RSF1: variants seen among roughly 807,000 people sequenced by gnomAD.
The protein encoded by RSF1 is HBV pX-associated protein 8.
Under a neutral mutation model 145.2 loss-of-function variants are expected in RSF1, and 13 were observed. The observed-to-expected ratio is 0.09, with a 90% confidence interval of 0.06 to 0.14. The LOEUF (loss-of-function observed/expected upper bound fraction) is 0.14. Ranked by LOEUF, RSF1 falls within the 10% of genes least tolerant of loss-of-function variation. The pLI is 1.00. For synonymous variants in RSF1, 577 were observed against 592.6 expected (o/e 0.97, Z 0.38); for missense variants, 1,517 against 1,718.2 (o/e 0.88, Z 2.07).
chr11:77,788,142 C>CA (rs66595170), intron 1 of RSF1, among the ~76,000 whole-genome samples: 87 of 3,430 alleles, frequency 0.025, 13 homozygotes, highest in Admixed American at 0.053. Flanking sequence ...GACACTATCT[C>CA]AAAAAAAAAA....
chr11:77,775,395 A>G (rs952367798), intron 1 of RSF1, among the ~76,000 whole-genome samples: 2 of 152,220 alleles, frequency 1.3e-5, no homozygotes, highest in Non-Finnish European at 2.9e-5. Flanking sequence ...TGTTCAGAGC[A>G]CTGTGGGAGC....
At chr11:77,816,996 ATCTC>A (rs1448944385) in intron 1 of RSF1, among the ~76,000 whole-genome samples, 1 of 152,172 alleles carries the variant, frequency 6.6e-6, no homozygotes, top group Non-Finnish European at 1.5e-5. Context: ...TACACTTGAA[ATCTC>A]TCTCTGTAGC....
At chr11:77,755,952 T>G (rs1054592527) in intron 2 of RSF1, among the ~76,000 whole-genome samples, 1 of 152,164 alleles carries the variant, frequency 6.6e-6, no homozygotes, top group African/African-American at 2.4e-5. Context: ...AAAGAGCAAG[T>G]ACAAAACAAA....
intron 1 of RSF1, among the ~76,000 whole-genome samples, chr11:77,786,931 C>T (rs1014041216): frequency 6.6e-6 from 1 of 152,138 alleles, no homozygotes; most frequent in Non-Finnish European, 1.5e-5. Context: ...CCCCAATTTA[C>T]AAACTGGGTA....
At chr11:77,803,493 T>G (rs1212951679) in intron 1 of RSF1, among the ~76,000 whole-genome samples, 1 of 149,478 alleles carries the variant, frequency 6.7e-6, no homozygotes, top group African/African-American at 2.4e-5. Context: ...AAAACTGTTA[T>G]GTTGGCTGGG....
chr11:77,813,097 A>G (rs1309524870), intron 1 of RSF1, among the ~76,000 whole-genome samples: 1 of 152,138 alleles, frequency 6.6e-6, no homozygotes, highest in Non-Finnish European at 1.5e-5. Context: ...TCTGTTTATT[A>G]ACAGAAAGGC....
chr11:77,674,710 T>G (rs1036030026), intron 14 of RSF1, among the ~76,000 whole-genome samples: 2 of 152,188 alleles, frequency 1.3e-5, no homozygotes, highest in Non-Finnish European at 2.9e-5. Context: ...CATAAGAATT[T>G]GTTGAGCTGG....
intron 5 of RSF1, 162 bp from the exon 6 acceptor site, chr11:77,702,657 A>C (rs1565154016): frequency 2.3e-6 from 1 of 439,534 alleles, no homozygotes; most frequent in Non-Finnish European, 3.8e-6. Flanking sequence ...ACAATGAAGA[A>C]AATTACAAAA....
intron 1 of RSF1, among the ~76,000 whole-genome samples, chr11:77,806,047 A>G (rs1249304297): frequency 1.3e-5 from 2 of 152,108 alleles, no homozygotes; most frequent in Non-Finnish European, 2.9e-5. Flanking sequence ...CACTTCCCCA[A>G]CTTTCTCACA....
At position 77,701,911 on chromosome 11, in the gene RSF1, G is replaced by C; in HGVS notation, c.1318C>G (p.Gln440Glu). 6.2e-7 allele frequency: 1 copy of C among 1,613,750 alleles called. No individual in the cohort carries two copies. ...TCACTAACTTCTCCATTTACCAGCT[G>C]TTTCCCTTCATGACCCAAAGCAGTG... ...TITALGHEGK[Q>E]LVNGEVSDER... Residue 440 changes from glutamine (Q) to glutamate (E), a missense_variant, in exon 6 of 16, where the codon CAG (glutamine) becomes GAG (glutamate). By Grantham distance (29) the Gln-to-Glu change is conservative. Coordinates refer to ENST00000308488, the MANE Select transcript of RSF1 (RefSeq NM_016578.4).
intron 2 of RSF1, among the ~76,000 whole-genome samples, chr11:77,758,140 G>GAA (rs59962849): frequency 9.6e-6 from 1 of 104,700 alleles, no homozygotes. Flanking sequence ...AGTCTCAGAA[G>GAA]AAAAAAAAAA....
chr11:77,672,905 A>G (rs981282757), intron 14 of RSF1, among the ~76,000 whole-genome samples: 1 of 152,146 alleles, frequency 6.6e-6, no homozygotes, highest in African/African-American at 2.4e-5. Context: ...CTGGTCTTGA[A>G]TTCCTGGCCT....
the RSF1 span, among the ~76,000 whole-genome samples, chr11:77,854,115 T>C: frequency 2.0e-4 from 30 of 151,162 alleles, no homozygotes; most frequent in East Asian, 4.0e-4. Flanking sequence ...CTCAGCCTCC[T>C]GAGTAGCTGG....
upstream of RSF1, among the ~76,000 whole-genome samples, chr11:77,823,230 A>AG (rs1454498572): frequency 1.3e-4 from 19 of 151,454 alleles, no homozygotes; most frequent in East Asian, 2.9e-3. Flanking sequence ...AAAAAAAAAA[A>AG]AAAAGAAATT....
At chr11:77,672,408 G>A (rs1959578793) in intron 14 of RSF1, among the ~76,000 whole-genome samples, 178 bp from the exon 15 acceptor site, 2 of 152,122 alleles carry the variant, frequency 1.3e-5, no homozygotes, top group Admixed American at 1.3e-4. Flanking sequence ...ACAGGCTGGA[G>A]TGCAGTGGCA....
At chr11:77,775,040 C>T (rs1948327958) in intron 1 of RSF1, among the ~76,000 whole-genome samples, 1 of 151,768 alleles carries the variant, frequency 6.6e-6, no homozygotes, top group South Asian at 2.1e-4. Flanking sequence ...GCTGGGATTA[C>T]AGGCGTGAGC....
At chr11:77,835,088 T>C in the RSF1 span, among the ~76,000 whole-genome samples, 1 of 152,250 alleles carries the variant, frequency 6.6e-6, no homozygotes, top group East Asian at 1.9e-4. Context: ...ACTTTTAAGC[T>C]GGGCACATTG....
the RSF1 span, among the ~76,000 whole-genome samples, chr11:77,836,418 T>C: frequency 2.0e-5 from 3 of 152,078 alleles, no homozygotes; most frequent in Non-Finnish European, 2.9e-5. Flanking sequence ...GAAAAAGCCA[T>C]GTGAGAAAAC....
At chr11:77,808,793 A>G (rs1446378980) in intron 1 of RSF1, among the ~76,000 whole-genome samples, 1 of 150,782 alleles carries the variant, frequency 6.6e-6, no homozygotes. Context: ...TCGGCCTCCC[A>G]AAGTGCTGGG....
Sources: gnomAD v4.1 joint callset for allele counts (sites outside exome capture counted in the v4.1 genomes callset) on GRCh38, gnomAD v4.1.1 for gene constraint, MANE v1.5 for transcripts, NCBI Gene and HGNC (gene_info 2026-07-23, HGNC 2026-07-21) for gene names.